The following SAMD8 variants were observed in gnomAD, a reference collection of about 807,000 sequenced individuals.
SAMD8 encodes the protein sterile alpha motif domain containing 8.
Under a neutral mutation model 42.0 loss-of-function variants are expected in SAMD8, and 20 were observed. That is an observed-to-expected ratio of 0.48 (90% confidence interval 0.34 to 0.69). The LOEUF is 0.69. Among genes scored for constraint, SAMD8 ranks in the 30% least tolerant of loss-of-function variants. SAMD8 has a pLI of 0.01. For synonymous variants in SAMD8, 162 were observed against 173.0 expected, an observed-to-expected ratio of 0.94 and a Z score of 0.50; for missense variants, 328 against 511.6, an observed-to-expected ratio of 0.64 and a Z score of 3.46.
At position 75,176,022 on chromosome 10, in the gene SAMD8, C is replaced by T. The variant is rs1403684826; in HGVS notation, c.793-44C>T. 6.3e-7 allele frequency: 1 copy of T among 1,575,098 alleles called. No individual in the cohort carries two copies. Among genetic ancestry groups the T allele is most frequent in the South Asian group, 1.2e-5 (1 of 85,036 alleles). Reference sequence around the variant, plus strand: ...GGAATGGATGTTGGGAAGTTCCCACCTCCCTAAGCATTTGAAGCACTAATT... The same window carrying T: ...GGAATGGATGTTGGGAAGTTCCCACTTCCCTAAGCATTTGAAGCACTAATT... On this transcript the variant is annotated intron_variant, in intron 4 of 5. Coordinates refer to ENST00000542569, the MANE Select transcript of SAMD8 (RefSeq NM_001174156.2). This position sits in a 1 kb window ranked among gnomAD's most constrained non-coding sequence, Gnocchi z 4.3.
intron 1 of SAMD8, among the ~76,000 whole-genome samples, chr10:75,135,663 A>G (rs1482347730): frequency 6.6e-6 from 1 of 151,338 alleles, no homozygotes; most frequent in Non-Finnish European, 1.5e-5. Context: ...CTCTCTACTA[A>G]AAATACAAAA....
At chr10:75,110,436 G>A (rs1482012074), upstream of SAMD8, among the ~76,000 whole-genome samples, 1 of 152,204 alleles carries the variant, frequency 6.6e-6, no homozygotes, top group Non-Finnish European at 1.5e-5. Flanking sequence ...GGAAGGGTAT[G>A]AGCTGCAGTG....
intron 4 of SAMD8, among the ~76,000 whole-genome samples, chr10:75,174,362 C>T (rs1840940001): frequency 1.3e-5 from 2 of 151,552 alleles, no homozygotes; most frequent in Admixed American, 1.3e-4. Context: ...ATCTCCTGAC[C>T]TTGTGATCCA....
At chr10:75,115,565 T>C (rs1848859032) in intron 1 of SAMD8, among the ~76,000 whole-genome samples, 1 of 152,222 alleles carries the variant, frequency 6.6e-6, no homozygotes, top group South Asian at 2.1e-4. Context: ...ATCACAGATC[T>C]GAAGCCTAAC....
At chr10:75,111,184 A>T (rs1028653901), upstream of SAMD8, among the ~76,000 whole-genome samples, 3 of 152,228 alleles carry the variant, frequency 2.0e-5, no homozygotes, top group African/African-American at 7.2e-5. Flanking sequence ...AATGGGCAAT[A>T]AATTATAACA....
chr10:75,165,908 C>G (rs183994040), intron 3 of SAMD8, among the ~76,000 whole-genome samples: 88 of 132,146 alleles, frequency 6.7e-4, no homozygotes, highest in African/African-American at 2.5e-3. Flanking sequence ...CCCAGGAGGT[C>G]AAGGTTGCAG....
At chr10:75,165,259 T>A (rs1378666251) in intron 3 of SAMD8, among the ~76,000 whole-genome samples, 6 of 152,078 alleles carry the variant, frequency 3.9e-5, no homozygotes, top group Non-Finnish European at 8.8e-5. Flanking sequence ...AGCCTTTTCT[T>A]TCCTTAGAAA....
chr10:75,132,861 C>T (rs1849304324), intron 1 of SAMD8, among the ~76,000 whole-genome samples: 1 of 152,012 alleles, frequency 6.6e-6, no homozygotes, highest in Non-Finnish European at 1.5e-5. Flanking sequence ...TGGTGGTACA[C>T]ACCTGTGGTC....
chr10:75,152,623 T>TG (rs1423918299), intron 2 of SAMD8, among the ~76,000 whole-genome samples: 2 of 150,468 alleles, frequency 1.3e-5, no homozygotes, highest in Admixed American at 1.3e-4. Flanking sequence ...GAGGCCCAGG[T>TG]GGGAGGATTG....
At chr10:75,175,515 CATTTATTT>C (rs549084623) in intron 4 of SAMD8, among the ~76,000 whole-genome samples, 30 of 151,678 alleles carry the variant, frequency 2.0e-4, no homozygotes, top group Non-Finnish European at 2.9e-4. Flanking sequence ...ACAGTGATTT[CATTTATTT>C]ATTTATTTAT....
intron 2 of SAMD8, among the ~76,000 whole-genome samples, chr10:75,158,169 AG>A (rs1840462669): frequency 1.3e-5 from 2 of 152,002 alleles, no homozygotes; most frequent in African/African-American, 2.4e-5. Flanking sequence ...CAAAAAAAAA[AG>A]AAAAAAAGAA....
chr10:75,137,337 C>T (rs777384360), intron 1 of SAMD8, among the ~76,000 whole-genome samples: 25 of 151,978 alleles, frequency 1.6e-4, no homozygotes, highest in Non-Finnish European at 3.1e-4. Flanking sequence ...GTCAGGAGTT[C>T]GAGACCAGCC....
At chr10:75,127,563 T>C (rs1338548963) in intron 1 of SAMD8, among the ~76,000 whole-genome samples, 1 of 152,226 alleles carries the variant, frequency 6.6e-6, no homozygotes, top group Non-Finnish European at 1.5e-5. Flanking sequence ...CCATGAATGT[T>C]AGCTAATTTA....
At chr10:75,109,215 C>A, upstream of SAMD8, 1 of 1,470,494 alleles carries the variant, frequency 6.8e-7, no homozygotes, top group South Asian at 1.4e-5. Context: ...TCTCCAGTGT[C>A]ATTTCTCCTT....
chr10:75,145,259 T>C (rs1012654647), intron 1 of SAMD8, among the ~76,000 whole-genome samples: 8 of 152,220 alleles, frequency 5.3e-5, no homozygotes, highest in Non-Finnish European at 1.0e-4. Flanking sequence ...TGTCTATTTC[T>C]TCATTTAACT....
intron 2 of SAMD8, among the ~76,000 whole-genome samples, chr10:75,153,345 C>T (rs1253094433): frequency 6.6e-6 from 1 of 152,028 alleles, no homozygotes; most frequent in Non-Finnish European, 1.5e-5. Context: ...CATTAGGGCT[C>T]ATACCTGTGA....
At chr10:75,142,273 A>G (rs1840033299) in intron 1 of SAMD8, among the ~76,000 whole-genome samples, 1 of 150,030 alleles carries the variant, frequency 6.7e-6, no homozygotes, top group Non-Finnish European at 1.5e-5. Flanking sequence ...TGCCCTCATC[A>G]TTATTATTTC....
chr10:75,099,979 G>A (rs547407860), intron 1 of SAMD8, among the ~76,000 whole-genome samples: 179 of 152,252 alleles, frequency 1.2e-3, no homozygotes, highest in African/African-American at 4.2e-3. Context: ...GAAGCCCCCA[G>A]GACCCAGAGG....
chr10:75,142,820 G>C (rs1161185639), intron 1 of SAMD8, among the ~76,000 whole-genome samples: 1 of 152,156 alleles, frequency 6.6e-6, no homozygotes, highest in African/African-American at 2.4e-5. Context: ...CTGAGGTCAG[G>C]AGTCTTGAAA....
Sources: gnomAD v4.1 joint callset for allele counts (sites outside exome capture counted in the v4.1 genomes callset) on GRCh38, gnomAD v4.1.1 for gene constraint, Gnocchi (gnomAD v3.1) non-coding constraint, MANE v1.5 for transcripts, NCBI Gene and HGNC (gene_info 2026-07-23, HGNC 2026-07-21) for gene names.